BAZ1A: variants seen among roughly 807,000 people sequenced by gnomAD.
BAZ1A encodes the protein bromodomain adjacent to zinc finger domain 1A.
BAZ1A carries 50 observed loss-of-function variants against 185.2 expected under a neutral mutation model. The ratio of observed to expected loss-of-function variants is 0.27; its 90% CI spans 0.22 to 0.34. The LOEUF is 0.34. Among genes scored for constraint, BAZ1A ranks in the 10% least tolerant of loss-of-function variants. The pLI is 1.00. For synonymous variants in BAZ1A, 571 were observed against 615.6 expected (o/e 0.93, Z 1.07); for missense variants, 1,356 against 1,839.9 (o/e 0.74, Z 4.81).
intron 2 of BAZ1A, among the ~76,000 whole-genome samples, chr14:34,871,072 GTTATT>G (rs1486458953): frequency 1.3e-5 from 2 of 152,108 alleles, no homozygotes; most frequent in Non-Finnish European, 2.9e-5. Flanking sequence ...TAAAAAAAAA[GTTATT>G]TTATTTATGA....
intron 2 of BAZ1A, among the ~76,000 whole-genome samples, chr14:34,871,385 T>C (rs1195065111): frequency 6.6e-6 from 1 of 152,232 alleles, no homozygotes; most frequent in African/African-American, 2.4e-5. Context: ...AGAGACTACA[T>C]TATGCACCTT....
chr14:34,766,257 C>A (rs530477828), intron 21 of BAZ1A, among the ~76,000 whole-genome samples: 1 of 152,284 alleles, frequency 6.6e-6, no homozygotes, highest in Non-Finnish European at 1.5e-5. Flanking sequence ...ATATTACTAT[C>A]GTTATTAGTG....
intron 2 of BAZ1A, among the ~76,000 whole-genome samples, chr14:34,873,600 A>G (rs2042987786): frequency 1.3e-5 from 2 of 149,850 alleles, no homozygotes; most frequent in African/African-American, 4.8e-5. Flanking sequence ...CTGAGTCTGG[A>G]GTTGAACTTG....
At chr14:34,834,909 G>C (rs1439117116) in intron 3 of BAZ1A, among the ~76,000 whole-genome samples, 1 of 152,192 alleles carries the variant, frequency 6.6e-6, no homozygotes, top group Non-Finnish European at 1.5e-5. Context: ...CATTATTTGA[G>C]AACACAGTGG....
At chr14:34,769,239 C>T (rs1566550186) in intron 21 of BAZ1A, among the ~76,000 whole-genome samples, 1 of 152,156 alleles carries the variant, frequency 6.6e-6, no homozygotes, top group Admixed American at 6.5e-5. Flanking sequence ...CCATCTCCTG[C>T]TGTCCTGTGC....
At chr14:34,773,412 T>G (rs1350863663) in intron 20 of BAZ1A, among the ~76,000 whole-genome samples, 160 bp downstream of exon 20, 1 of 151,886 alleles carries the variant, frequency 6.6e-6, no homozygotes, top group Non-Finnish European at 1.5e-5. Context: ...GATCCTGAGG[T>G]TTAGAAAATG....
chr14:34,809,816 T>A (rs1206629548), intron 5 of BAZ1A, among the ~76,000 whole-genome samples: 2 of 152,030 alleles, frequency 1.3e-5, no homozygotes, highest in Admixed American at 1.3e-4. Flanking sequence ...TATCCTGAAC[T>A]AAAGGCAAAA....
At chr14:34,756,238 A>C (rs1375071585) in intron 25 of BAZ1A, among the ~76,000 whole-genome samples, 32 of 145,690 alleles carry the variant, frequency 2.2e-4, no homozygotes, top group African/African-American at 7.9e-4. Flanking sequence ...CTCAGCCTCC[A>C]GAGTAGCTGG....
chr14:34,764,778 T>A lies in BAZ1A; in HGVS notation c.3705A>T (p.Glu1235Asp). The A allele has an allele frequency of 6.2e-7, 1 of 1,610,608 alleles. No individual in the cohort carries two copies. Among genetic ancestry groups the A allele is most frequent in the Non-Finnish European group, 8.5e-7 (1 of 1,176,810 alleles). The change falls in exon 23 of 27, where the codon GAA (glutamate) becomes GAT (aspartate). Residue 1235 changes from glutamate to aspartate, a missense_variant. Transcript: ENST00000360310. ...CATACTCTTCCTCCTCACTTTGACC[T>A]TCTTCTTCATCGCCATCAACTTCAT... ...EDDEVDGDEE[E>D]GQSEEEEYEV...
At chr14:34,760,716 G>A (rs1479040812) in intron 24 of BAZ1A, among the ~76,000 whole-genome samples, 1 of 151,882 alleles carries the variant, frequency 6.6e-6, no homozygotes, top group East Asian at 1.9e-4. Flanking sequence ...AGTCAGCTTG[G>A]TGGTGCATTC....
chr14:34,862,210 G>C lies in BAZ1A; in HGVS notation c.226C>G (p.Gln76Glu), dbSNP rs755171110. The C allele has an allele frequency of 6.2e-7, 1 of 1,614,086 alleles. No homozygotes were observed. Among genetic ancestry groups the C allele is most frequent in the Non-Finnish European group, 8.5e-7 (1 of 1,180,008 alleles). Reference sequence around the variant, plus strand: ...GGTTCTGGAAAACTCTGAAGATTCTGTCTTGCTTTTTTTTCTGACTCAAGT... The same window carrying C: ...GGTTCTGGAAAACTCTGAAGATTCTCTCTTGCTTTTTTTTCTGACTCAAGT... ...EALESEKKARQNLQSFPEPLI... is the reference protein window; with the variant it reads ...EALESEKKARENLQSFPEPLI... Residue 76 changes from glutamine to glutamate, a missense_variant, in exon 3 of 27, where the codon CAG becomes GAG. Physicochemically the swap from Gln to Glu is conservative, Grantham distance 29. Transcript: ENST00000360310.
chr14:34,812,601 A>C (rs2041945907), intron 4 of BAZ1A, among the ~76,000 whole-genome samples: 1 of 152,208 alleles, frequency 6.6e-6, no homozygotes, highest in Non-Finnish European at 1.5e-5. Context: ...CATGGACTTA[A>C]ATGGAAGTAG....
intron 3 of BAZ1A, among the ~76,000 whole-genome samples, chr14:34,830,670 T>C (rs1336138060): frequency 6.6e-6 from 1 of 151,058 alleles, no homozygotes; most frequent in Non-Finnish European, 1.5e-5. Context: ...TATATCTCAA[T>C]AAAGTCATTA....
intron 15 of BAZ1A, among the ~76,000 whole-genome samples, chr14:34,783,487 C>T (rs1474961407): frequency 6.6e-6 from 1 of 151,616 alleles, no homozygotes; most frequent in East Asian, 1.9e-4. Context: ...AGGCATGCAC[C>T]ACCACGCCCG....
Position 34,761,900 on chromosome 14 carries a change from GTAT to G in BAZ1A, c.4097_4099del (p.Asn1366del), listed in dbSNP as rs760675854. 73 of 1,614,070 alleles carry G rather than the reference GTAT, an allele frequency of 4.5e-5. No individual in the cohort carries two copies. The Admixed American group carries it at 1.2e-3, about 27-fold the overall frequency. On this transcript the variant is annotated inframe_deletion, in exon 24 of 27. Coordinates refer to ENST00000360310, the MANE Select transcript of BAZ1A (RefSeq NM_013448.3). ...AGGGAAGTTGGGACTATTTTCTGGT[GTAT>G]TATTAGCACTTTTCCTGCCTCTGCG... is the stretch of plus-strand genomic sequence containing the variant.
chr14:34,769,160 A>G (rs1007597815), intron 21 of BAZ1A, among the ~76,000 whole-genome samples: 6 of 152,170 alleles, frequency 3.9e-5, no homozygotes, highest in Non-Finnish European at 7.4e-5. Flanking sequence ...AAATATTCAT[A>G]AAGTAAAACC....
chr14:34,786,100 A>G, intron 13 of BAZ1A, 26 bp downstream of exon 13: 5 of 1,444,728 alleles, frequency 3.5e-6, no homozygotes, highest in Non-Finnish European at 4.7e-6. Context: ...AAAGCCAAAC[A>G]AAAAAAAAAC....
intron 25 of BAZ1A, among the ~76,000 whole-genome samples, chr14:34,755,873 C>T (rs10147894): frequency 0.76 from 113,646 of 149,730 alleles, 44,112 homozygotes; most frequent in East Asian, 0.97. Flanking sequence ...CAGGCTGGAG[C>T]GTAGTGGTGT....
chr14:34,835,642 A>T (rs145631663), intron 3 of BAZ1A, among the ~76,000 whole-genome samples: 6 of 151,830 alleles, frequency 4.0e-5, no homozygotes, highest in African/African-American at 1.5e-4. Context: ...ATTAGTCATA[A>T]ATCTGTAATA....
Sources: allele counts gnomAD v4.1 joint callset (sites outside exome capture counted in the v4.1 genomes callset), GRCh38; gene constraint gnomAD v4.1.1; transcripts MANE v1.5; gene names NCBI Gene and HGNC (gene_info 2026-07-23, HGNC 2026-07-21).